Variants in CRYZL1 observed in about 807,000 individuals in gnomAD.
The protein encoded by CRYZL1 is ferry endosomal RAB5 effector complex subunit 4.
CRYZL1 carries 34 observed loss-of-function variants against 50.6 expected under a neutral mutation model. The ratio of observed to expected loss-of-function variants is 0.67; its 90% CI spans 0.51 to 0.89. The LOEUF is 0.89. Among genes scored for constraint, CRYZL1 ranks in the 40% least tolerant of loss-of-function variants. The pLI, the probability that CRYZL1 is intolerant of heterozygous loss-of-function variation, is 0.00. For missense variants in CRYZL1, 354 were observed against 402.3 expected (o/e 0.88, Z 1.03); for synonymous variants, 125 against 134.3 (o/e 0.93, Z 0.48).
In CRYZL1 at chr21:33,634,879, CAA is replaced by C. The variant is rs1491506875; in HGVS notation, c.-6-3324_-6-3323del. On this transcript the variant is annotated intron_variant, in intron 1 of 12. Coordinates refer to ENST00000381554, the MANE Select transcript of CRYZL1 (RefSeq NM_145858.3). ...TATCCCTTAAAACAAACAACAACAA[CAA>C]TATATATATATATATATATATATAA... is the stretch of plus-strand genomic sequence containing the variant. Among the ~76,000 whole-genome samples the C allele has an allele frequency of 7.8e-3, 497 of 63,960 alleles. 2 individuals carry two copies. The highest frequency in any genetic ancestry group is 0.038 in the African/African-American group (432 of 11,384). 42.0% of individuals were successfully genotyped at this position (63,960 alleles called of 152,430 possible). A position where few individuals can be genotyped will look rare whatever the true frequency, so the allele number is the denominator to read the frequency against.
intron 6 of CRYZL1, among the ~76,000 whole-genome samples, chr21:33,604,275 G>C (rs2086787972): frequency 6.9e-6 from 1 of 145,638 alleles, no homozygotes; most frequent in African/African-American, 2.6e-5. Flanking sequence ...AGAATGGTGT[G>C]AACCCGGGAG....
At chr21:33,593,042 ACT>A (rs2086658852) in intron 11 of CRYZL1, among the ~76,000 whole-genome samples, 1 of 149,680 alleles carries the variant, frequency 6.7e-6, no homozygotes, top group Non-Finnish European at 1.5e-5. Flanking sequence ...ACAGAGCGAG[ACT>A]CTATCTCAAA....
At position 33,631,476 on chromosome 21, in the gene CRYZL1, T is replaced by G; in HGVS notation, c.66+10A>C. 1 of 1,503,960 alleles carries G rather than the reference T, an allele frequency of 6.6e-7. No homozygotes were observed. Among genetic ancestry groups the G allele is most frequent in the Non-Finnish European group, 8.9e-7 (1 of 1,126,482 alleles). The allele number at this position is 1,503,960 out of a possible 1,614,324, so 93.2% of individuals were successfully genotyped here. ...ACTAACTACTTTAATGATTAAACAT[T>G]TTTTCTTACCTTTTCTTGAAATACA... On this transcript the variant is annotated intron_variant, in intron 2 of 12. Coordinates refer to ENST00000381554, the MANE Select transcript of CRYZL1 (RefSeq NM_145858.3).
chr21:33,604,027 C>A (rs1303337647), intron 6 of CRYZL1, among the ~76,000 whole-genome samples: 2 of 151,326 alleles, frequency 1.3e-5, no homozygotes, highest in Non-Finnish European at 2.9e-5. Context: ...CCGAGGCAGG[C>A]AGATCACGAG....
At chr21:33,606,798 T>A (rs906423213) in intron 6 of CRYZL1, among the ~76,000 whole-genome samples, 3 of 151,964 alleles carry the variant, frequency 2.0e-5, no homozygotes, top group Non-Finnish European at 4.4e-5. Flanking sequence ...GCACCTGAGG[T>A]CAGGAGTTCA....
At position 33,595,734 on chromosome 21, in the gene CRYZL1, G is replaced by T. The variant is rs757869625; in HGVS notation, c.901C>A (p.Leu301Ile). Residue 301 changes from leucine (L) to isoleucine (I), a missense_variant, in exon 11 of 13, where the codon CTT (leucine) becomes ATT (isoleucine). Leu to Ile is a conservative substitution (Grantham distance 5). Transcript: ENST00000381554. The stretch of plus-strand genomic sequence containing the variant: ...AATCAGTCGATAAAAAGGATATAAA[G>T]ATATTTTCCCTGTTGTACATTTGAC... ...NLSNVQQGKY[L>I]CILKDVMEKL... is the part of the protein sequence containing the mutation. The T allele has an allele frequency of 1.2e-6, 2 of 1,612,802 alleles. No homozygotes were observed. The highest frequency in any genetic ancestry group is 3.3e-5 in the Admixed American group (2 of 60,014).
chr21:33,612,957 G>A (rs2086889558), intron 6 of CRYZL1, among the ~76,000 whole-genome samples: 1 of 151,966 alleles, frequency 6.6e-6, no homozygotes, highest in African/African-American at 2.4e-5. Flanking sequence ...CTGAGTAGCT[G>A]GAATTATAGG....
chr21:33,605,527 A>ATTTTTTTTTTTTTTTTTTTTTTTTTT (rs1555904645), intron 6 of CRYZL1, among the ~76,000 whole-genome samples: 8 of 14,832 alleles, frequency 5.4e-4, no homozygotes, highest in African/African-American at 2.9e-3. Context: ...CAGTACAAGA[A>ATTTTTTTTTTTTTTTTTTTTTTTTTT]TTCTTTTTTT....
intron 11 of CRYZL1, 79 bp downstream of exon 11, chr21:33,595,651 AT>A: frequency 6.3e-7 from 1 of 1,577,404 alleles, no homozygotes; most frequent in South Asian, 1.1e-5. Context: ...TGCTATTATT[AT>A]TTCCTATTAT....
chr21:33,610,792 G>C (rs1160555280), intron 6 of CRYZL1, among the ~76,000 whole-genome samples: 1 of 139,168 alleles, frequency 7.2e-6, no homozygotes, highest in African/African-American at 2.7e-5. Flanking sequence ...GGAGTACAGT[G>C]GCACTGTTGG....
intron 6 of CRYZL1, among the ~76,000 whole-genome samples, chr21:33,610,134 G>C (rs1447311911): frequency 1.3e-5 from 2 of 151,504 alleles, no homozygotes; most frequent in African/African-American, 4.9e-5. Context: ...ATAGGCATGA[G>C]CCACCACACC....
At chr21:33,616,817 A>C (rs2086939255) in intron 4 of CRYZL1, 67 bp from the exon 5 acceptor site, 1 of 1,326,736 alleles carries the variant, frequency 7.5e-7, no homozygotes, top group African/African-American at 1.5e-5. Flanking sequence ...ATCTATTAAA[A>C]TACATTTTTA....
At chr21:33,640,856 T>A (rs922429178) in intron 1 of CRYZL1, among the ~76,000 whole-genome samples, 1 of 152,230 alleles carries the variant, frequency 6.6e-6, no homozygotes, top group African/African-American at 2.4e-5. Flanking sequence ...ATTAATTTTT[T>A]AATTTAATTT....
intron 4 of CRYZL1, among the ~76,000 whole-genome samples, chr21:33,617,373 C>G (rs539228619): frequency 6.6e-6 from 1 of 152,276 alleles, no homozygotes; most frequent in South Asian, 2.1e-4. Context: ...TCTATAGCTT[C>G]TATGATAATT....
intron 12 of CRYZL1, 100 bp downstream of exon 12, chr21:33,591,062 A>T: frequency 1.2e-6 from 1 of 814,538 alleles, no homozygotes; most frequent in East Asian, 2.4e-5. Context: ...TGGAGGCAAC[A>T]GGTACATGGC....
intron 11 of CRYZL1, 166 bp from the exon 12 acceptor site, chr21:33,591,373 T>C: frequency 1.6e-6 from 1 of 623,408 alleles, no homozygotes; most frequent in Non-Finnish European, 2.9e-6. Context: ...AGTTTAGCTC[T>C]ACAACAGGGA....
intron 6 of CRYZL1, among the ~76,000 whole-genome samples, chr21:33,605,273 A>AAAG (rs2086798189): frequency 7.0e-6 from 1 of 142,918 alleles, no homozygotes; most frequent in Non-Finnish European, 1.6e-5. Flanking sequence ...TTCTGTTTTC[A>AAAG]ATCTCTTTAA....
At chr21:33,641,320 C>A (rs1201118015) in intron 1 of CRYZL1, 6 of 1,540,858 alleles carry the variant, frequency 3.9e-6, no homozygotes, top group Non-Finnish European at 5.2e-6. Flanking sequence ...GAAGAAGTAA[C>A]AGAGAAAGAA....
intron 3 of CRYZL1, among the ~76,000 whole-genome samples, chr21:33,624,134 G>A (rs1278116032): frequency 6.6e-6 from 1 of 151,982 alleles, no homozygotes; most frequent in Non-Finnish European, 1.5e-5. Context: ...CATTATGTCT[G>A]TTTTCTTATA....
Sources: gnomAD v4.1 joint callset for allele counts (sites outside exome capture counted in the v4.1 genomes callset) on GRCh38, gnomAD v4.1.1 for gene constraint, MANE v1.5 for transcripts, NCBI Gene and HGNC (gene_info 2026-07-23, HGNC 2026-07-21) for gene names.